MCM8: variants seen among roughly 807,000 people sequenced by gnomAD.
The protein encoded by MCM8 is minichromosome maintenance 8 homologous recombination repair factor, also known as DNA helicase MCM8.
MCM8 carries 85 observed loss-of-function variants against 98.9 expected under a neutral mutation model. The observed-to-expected ratio is 0.86, with a 90% CI of 0.72 to 1.03. The LOEUF (loss-of-function observed/expected upper bound fraction) is 1.03. Among genes scored for constraint, MCM8 ranks in the 50% least tolerant of loss-of-function variants. The probability of loss-of-function intolerance (pLI) is 0.00; values close to 1 mark genes in which losing one functional copy is unlikely to be tolerated. For missense variants in MCM8, 951 were observed against 997.8 expected (o/e 0.95, Z 0.63); for synonymous variants, 352 against 338.6 (o/e 1.04, Z -0.44).
chr20:5,953,506 C>T (rs528512433), intron 3 of MCM8, among the ~76,000 whole-genome samples: 31 of 151,118 alleles, frequency 2.1e-4, no homozygotes, highest in Non-Finnish European at 4.1e-4. Flanking sequence ...TGGAGTCTTG[C>T]TCTGTTGCCC....
At chr20:5,956,096 A>G (rs571910870) in intron 5 of MCM8, among the ~76,000 whole-genome samples, 7 of 152,328 alleles carry the variant, frequency 4.6e-5, no homozygotes, top group Admixed American at 2.0e-4. Context: ...GCAAACAGAT[A>G]CATGCTTCAA....
At chr20:5,969,553 C>T (rs1002912111) in intron 10 of MCM8, among the ~76,000 whole-genome samples, 1 of 148,804 alleles carries the variant, frequency 6.7e-6, no homozygotes, top group Non-Finnish European at 1.5e-5. Flanking sequence ...AATCGCGCCA[C>T]TGCACTCCAG....
Position 5,993,662 on chromosome 20 carries a change from A to G in MCM8, c.2397A>G (p.Gln799=), listed in dbSNP as rs2089898359. 8 of 1,606,540 alleles carry G rather than the reference A, an allele frequency of 5.0e-6. No homozygotes were observed. The highest frequency in any genetic ancestry group is 1.7e-4 in the Middle Eastern group (1 of 6,012). ...RTYNNIFQFH[Q]LRQIAKELNI... ...ATAATAATATATTTCAATTTCATCA[A>G]CTTCGGCAGATTGCCAAAGAACTAA... Residue 799 remains glutamine (Q), a synonymous_variant, in exon 18 of 19, where the codon CAA becomes CAG. Transcript: ENST00000610722.
intron 1 of MCM8, among the ~76,000 whole-genome samples, chr20:5,951,260 C>T (rs1464201148): frequency 6.6e-6 from 1 of 152,156 alleles, no homozygotes; most frequent in African/African-American, 2.4e-5. Flanking sequence ...CAACTTTGAT[C>T]TTGATCGGTT....
chr20:5,992,102 A>G (rs932145244), intron 17 of MCM8, among the ~76,000 whole-genome samples: 2 of 152,210 alleles, frequency 1.3e-5, no homozygotes, highest in African/African-American at 4.8e-5. Flanking sequence ...AGCAGAAGAG[A>G]ACAGAGCCAC....
intron 16 of MCM8, 110 bp from the exon 17 acceptor site, chr20:5,987,172 T>G: frequency 1.9e-6 from 2 of 1,039,350 alleles, no homozygotes; most frequent in South Asian, 3.1e-5. Flanking sequence ...ATAACCTTCC[T>G]CGCCTAAAGG....
chr20:5,960,309 C>A (rs1186752389), intron 7 of MCM8, among the ~76,000 whole-genome samples: 1 of 151,830 alleles, frequency 6.6e-6, no homozygotes, highest in South Asian at 2.1e-4. Context: ...GAGATGGGGT[C>A]TCATTCTGTT....
Position 5,967,439 on chromosome 20 carries a change from C to A in MCM8, c.879C>A (p.Ile293=). The change falls in exon 9 of 19, where the codon ATC becomes ATA. Residue 293 remains isoleucine, a synonymous_variant. Coordinates refer to ENST00000610722, the MANE Select transcript of MCM8 (RefSeq NM_032485.6). ...TVTMDWQSIK[I]QELMSDDQRE... Reference sequence around the variant, plus strand: ...GAAAACTATTTAAACTTTTTAGAATCCAGGAATTGATGTCTGATGATCAGA... The same window carrying A: ...GAAAACTATTTAAACTTTTTAGAATACAGGAATTGATGTCTGATGATCAGA... 1 of 1,611,868 alleles carries A rather than the reference C, an allele frequency of 6.2e-7. No individual in the cohort carries two copies. Among genetic ancestry groups the A allele is most frequent in the South Asian group, 1.1e-5 (1 of 90,580 alleles).
At chr20:5,982,887 T>C in intron 13 of MCM8, 83 bp from the exon 14 acceptor site, 1 of 1,138,704 alleles carries the variant, frequency 8.8e-7, no homozygotes, top group South Asian at 1.5e-5. Context: ...AAATAATTAT[T>C]GTGAAACAAT....
At chr20:5,985,587 T>C (rs2089715562) in intron 15 of MCM8, among the ~76,000 whole-genome samples, 1 of 151,696 alleles carries the variant, frequency 6.6e-6, no homozygotes, top group South Asian at 2.1e-4. Flanking sequence ...CTCTTATCGC[T>C]CAGGCTGGAG....
In MCM8 at chr20:5,983,101, A is replaced by G. The variant is rs61752029; in HGVS notation, c.1669A>G (p.Ile557Val). 1.1e-3 allele frequency: 1,720 copies of G among 1,614,060 alleles called. 1 individual carries two copies. The highest frequency in any genetic ancestry group is 1.4e-3 in the Non-Finnish European group (1,606 of 1,180,020). The change falls in exon 14 of 19, where the codon ATT (isoleucine) becomes GTT (valine). Residue 557 changes from isoleucine to valine, a missense_variant. Transcript: ENST00000610722. ...VCSLPARTSI[I>V]AAANPVGGHY... Reference sequence around the variant, plus strand: ...TAGCCTTCCTGCAAGAACTTCCATTATTGCTGCTGCAAATCCAGTTGGAGG... The same window carrying G: ...TAGCCTTCCTGCAAGAACTTCCATTGTTGCTGCTGCAAATCCAGTTGGAGG...
In MCM8 at chr20:5,995,664, T is replaced by C. The variant is rs1021509691; in HGVS notation, c.*1273T>C. On this transcript the variant is annotated 3_prime_UTR_variant, in exon 19 of 19. Coordinates refer to ENST00000610722, the MANE Select transcript of MCM8 (RefSeq NM_032485.6). ...ATAGGCTGCTAGGGAGTTTTCCTGG[T>C]TCTACTTTCAGGTGGTGGGATCAAT... is the stretch of plus-strand genomic sequence containing the variant. The C allele has an allele frequency of 6.6e-6, 1 of 152,230 alleles. No individual in the cohort carries two copies. The highest frequency in any genetic ancestry group is 2.4e-5 in the African/African-American group (1 of 41,462). 9.4% of individuals were successfully genotyped at this position (152,230 alleles called of 1,614,324 possible). A position where few individuals can be genotyped will look rare whatever the true frequency, so the allele number is the denominator to read the frequency against.
intron 2 of MCM8, 22 bp from the exon 3 acceptor site, chr20:5,952,402 C>G (rs770060201): frequency 8.7e-6 from 14 of 1,607,204 alleles, no homozygotes; most frequent in South Asian, 3.3e-5. Context: ...TTTCTACTAA[C>G]CTAGTATTTT....
At position 5,958,606 on chromosome 20, in the gene MCM8, G is replaced by A. The variant is rs753297297; in HGVS notation, c.669G>A (p.Gly223=). 3.7e-6 allele frequency: 6 copies of A among 1,614,130 alleles called. No homozygotes were observed. Among genetic ancestry groups the A allele is most frequent in the African/African-American group, 1.3e-5 (1 of 75,048 alleles). The change falls in exon 7 of 19, where the codon GGG becomes GGA. Residue 223 remains glycine (G), a synonymous_variant. Transcript: ENST00000610722. ...ATGGAAAATACATTGCTCTAAGAGG[G>A]ACAGTGGTTCGTGTCAGTAATATAA... is the stretch of plus-strand genomic sequence containing the variant. ...NYYGKYIALR[G]TVVRVSNIKP...
In MCM8 at chr20:5,973,510, T is replaced by C. The variant is rs575554435; in HGVS notation, c.1395+314T>C. ...GTTAGTTGTTATGTGACCTCACCTA[T>C]GAACAGAATAGTTCAGGGGAGTTAA... is the stretch of plus-strand genomic sequence containing the variant. On this transcript the variant is annotated intron_variant, in intron 12 of 18. Coordinates refer to ENST00000610722, the MANE Select transcript of MCM8 (RefSeq NM_032485.6). Among the ~76,000 whole-genome samples, 90 of 152,380 alleles carry C rather than the reference T, an allele frequency of 5.9e-4. No individual in the cohort carries two copies. In the South Asian group the frequency reaches 0.018, roughly 31 times the overall value.
chr20:5,994,527 A>ACAC lies in MCM8; in HGVS notation c.*136_*137insCAC. 1.7e-6 allele frequency: 1 copy of ACAC among 585,760 alleles called. No individual in the cohort carries two copies. The highest frequency in any genetic ancestry group is 3.0e-6 in the Non-Finnish European group (1 of 332,814). The allele number at this position is 585,760 out of a possible 1,614,324, so 36.3% of individuals were successfully genotyped here. ...CACACACACACACACACACACAGTC[A>ACAC]AATACTGTTCTCTGAAAAATGATGT... On this transcript the variant is annotated 3_prime_UTR_variant, in exon 19 of 19. Transcript: ENST00000610722.
intron 14 of MCM8, 75 bp downstream of exon 14, chr20:5,983,240 A>T: frequency 3.2e-6 from 4 of 1,252,904 alleles, no homozygotes; most frequent in African/African-American, 1.5e-5. Context: ...AATAGTTCAC[A>T]GAACTACAGG....
chr20:5,960,636 C>G (rs1244462439), intron 7 of MCM8, among the ~76,000 whole-genome samples: 3 of 152,116 alleles, frequency 2.0e-5, no homozygotes, highest in Admixed American at 2.0e-4. Context: ...TTATGCCCTG[C>G]TTAAGAAGCC....
chr20:5,952,151 A>G lies in MCM8; in HGVS notation c.136A>G (p.Lys46Glu). Residue 46 changes from lysine (K) to glutamate (E), a missense_variant, in exon 2 of 19, where the codon AAA (lysine) becomes GAA (glutamate). Physicochemically the swap from Lys to Glu is moderately conservative, Grantham distance 56. Coordinates refer to ENST00000610722, the MANE Select transcript of MCM8 (RefSeq NM_032485.6). ...ACCTGATCTGAGTAAAACCACAGGA[A>G]AACGTACTTCTGGTAGGTGAGGTCA... ...HRPDLSKTTG[K>E]RTSEQTPQFL... The G allele has an allele frequency of 6.2e-7, 1 of 1,613,636 alleles. No homozygotes were observed. Among genetic ancestry groups the G allele is most frequent in the Non-Finnish European group, 8.5e-7 (1 of 1,179,952 alleles).
Sources: gnomAD v4.1 joint callset for allele counts (sites outside exome capture counted in the v4.1 genomes callset) on GRCh38, gnomAD v4.1.1 for gene constraint, MANE v1.5 for transcripts, NCBI Gene and HGNC (gene_info 2026-07-23, HGNC 2026-07-21) for gene names.